Variants in NUBPL observed in about 807,000 individuals in gnomAD.
NUBPL encodes NUBP iron-sulfur cluster assembly factor, mitochondrial, also known as iron-sulfur cluster transfer protein NUBPL.
In NUBPL, 31 loss-of-function variants were observed where a neutral mutation model predicts 45.7. That is an observed-to-expected ratio of 0.68 (90% CI 0.51 to 0.92). The LOEUF (loss-of-function observed/expected upper bound fraction) is 0.92, where lower values mean the gene tolerates loss of function less well. Among genes scored for constraint, NUBPL ranks in the 40% least tolerant of loss-of-function variants. NUBPL has a pLI of 0.00. For synonymous variants in NUBPL, 144 were observed against 140.9 expected, an observed-to-expected ratio of 1.02 and a Z score of -0.15; for missense variants, 401 against 398.7, an observed-to-expected ratio of 1.01 and a Z score of -0.05.
chr14:31,825,620 C>T (rs559995961), intron 7 of NUBPL, among the ~76,000 whole-genome samples: 156 of 139,000 alleles, frequency 1.1e-3, no homozygotes, highest in African/African-American at 3.4e-3. Context: ...CTCTTCTTCT[C>T]CTCCTCCTCC....
In NUBPL at chr14:31,857,894, C is replaced by T. The variant is rs543095709; in HGVS notation, c.898-1224C>T. ...CCCTCCAAACTGTTCCAACTGCTGCCTGTTACCCAGTTCCAAAGTCACTTC... is the reference window on the plus strand; with the variant it reads ...CCCTCCAAACTGTTCCAACTGCTGCTTGTTACCCAGTTCCAAAGTCACTTC... On this transcript the variant is annotated intron_variant, in intron 10 of 10. Coordinates refer to ENST00000281081, the MANE Select transcript of NUBPL (RefSeq NM_025152.3). Among the ~76,000 whole-genome samples the T allele has an allele frequency of 5.3e-5, 8 of 152,328 alleles. No individual in the cohort carries two copies. In the East Asian group the frequency reaches 1.5e-3, roughly 29 times the overall value.
rs572088872 is a variant in NUBPL, at chr14:31,660,329, A to T, written c.383-13026A>T. Among the ~76,000 whole-genome samples, 18 of 152,214 alleles carry T rather than the reference A, an allele frequency of 1.2e-4. No homozygotes were observed. In the East Asian group the frequency reaches 2.1e-3, roughly 18 times the overall value. On this transcript the variant is annotated intron_variant, in intron 4 of 10. Coordinates refer to ENST00000281081, the MANE Select transcript of NUBPL (RefSeq NM_025152.3). ...TTTTCTGGTGGAACCACTTTGTCTC[A>T]CACAGCCACCTAAAGTTCTTCTGAG...
intron 6 of NUBPL, among the ~76,000 whole-genome samples, chr14:31,689,362 T>C (rs1273957213): frequency 6.6e-6 from 1 of 152,212 alleles, no homozygotes; most frequent in Non-Finnish European, 1.5e-5. Context: ...TAATAGCCAT[T>C]CTGACTGGTG....
At chr14:31,638,399 G>T (rs1300297793) in intron 4 of NUBPL, among the ~76,000 whole-genome samples, 2 of 151,678 alleles carry the variant, frequency 1.3e-5, no homozygotes, top group South Asian at 2.1e-4. Context: ...TTTTCTTTAA[G>T]AATGTTGAAT....
At chr14:31,728,715 A>G (rs1326028328) in intron 6 of NUBPL, among the ~76,000 whole-genome samples, 1 of 152,202 alleles carries the variant, frequency 6.6e-6, no homozygotes, top group Admixed American at 6.5e-5. Flanking sequence ...TGATACTTTT[A>G]CAAGTGACTA....
chr14:31,640,713 T>C (rs931446775), intron 4 of NUBPL, among the ~76,000 whole-genome samples: 4 of 152,316 alleles, frequency 2.6e-5, no homozygotes, highest in Middle Eastern at 3.4e-3. Context: ...TTATTAATTA[T>C]TTTGTTGATA....
intron 8 of NUBPL, among the ~76,000 whole-genome samples, chr14:31,827,271 A>G (rs541251759): frequency 7.7e-4 from 117 of 151,842 alleles, no homozygotes; most frequent in African/African-American, 2.7e-3. Context: ...AATACATGCT[A>G]GGGGTGTACC....
At chr14:31,743,129 C>T (rs535994576) in intron 6 of NUBPL, among the ~76,000 whole-genome samples, 1 of 152,194 alleles carries the variant, frequency 6.6e-6, no homozygotes, top group East Asian at 1.9e-4. Flanking sequence ...ATTATTTTAC[C>T]TGAGCCTAAC....
At chr14:31,574,693 T>C (rs1389339859) in intron 3 of NUBPL, among the ~76,000 whole-genome samples, 4 of 147,938 alleles carry the variant, frequency 2.7e-5, no homozygotes, top group Admixed American at 7.0e-5. Context: ...CGGGTTCAAG[T>C]GATCTTCTGC....
chr14:31,815,901 G>T (rs921451170), intron 7 of NUBPL, among the ~76,000 whole-genome samples: 4 of 152,150 alleles, frequency 2.6e-5, no homozygotes, highest in Non-Finnish European at 4.4e-5. Context: ...GATAATGGTG[G>T]ATAAGCTTTT....
At chr14:31,590,814 G>A (rs1022739834) in intron 3 of NUBPL, among the ~76,000 whole-genome samples, 1 of 152,078 alleles carries the variant, frequency 6.6e-6, no homozygotes, top group African/African-American at 2.4e-5. Flanking sequence ...GGTGGTAGAA[G>A]GCGTTCTAAT....
chr14:31,733,917 A>G (rs987685375), intron 6 of NUBPL, among the ~76,000 whole-genome samples: 1 of 152,200 alleles, frequency 6.6e-6, no homozygotes, highest in Non-Finnish European at 1.5e-5. Context: ...TTTCATCGAC[A>G]TCATCCATCA....
intron 6 of NUBPL, among the ~76,000 whole-genome samples, chr14:31,709,044 G>T (rs1274276851): frequency 6.6e-6 from 1 of 152,134 alleles, no homozygotes; most frequent in Non-Finnish European, 1.5e-5. Context: ...GTCTTTCTCT[G>T]ATCTTGCTTT....
intron 6 of NUBPL, among the ~76,000 whole-genome samples, chr14:31,766,534 A>T (rs2038915643): frequency 6.6e-6 from 1 of 152,194 alleles, no homozygotes; most frequent in African/African-American, 2.4e-5. Flanking sequence ...CACCTGTCTT[A>T]TCTAAATGCT....
chr14:31,586,333 AAATT>A (rs1202937745), intron 3 of NUBPL, among the ~76,000 whole-genome samples: 1 of 152,194 alleles, frequency 6.6e-6, no homozygotes, highest in Admixed American at 6.5e-5. Flanking sequence ...GAACAGAGAG[AAATT>A]AATTCCAGTC....
At chr14:31,602,622 T>G (rs1392870375) in intron 4 of NUBPL, among the ~76,000 whole-genome samples, 1 of 152,142 alleles carries the variant, frequency 6.6e-6, no homozygotes, top group African/African-American at 2.4e-5. Flanking sequence ...TGTTTTAATC[T>G]TTTTGTGCCT....
chr14:31,701,937 G>A (rs188794732), intron 6 of NUBPL, among the ~76,000 whole-genome samples: 1 of 152,276 alleles, frequency 6.6e-6, no homozygotes, highest in Admixed American at 6.5e-5. Flanking sequence ...TTTGCAATAT[G>A]TGAATAGTTT....
At chr14:31,793,099 T>A (rs2039412088) in intron 7 of NUBPL, among the ~76,000 whole-genome samples, 1 of 152,186 alleles carries the variant, frequency 6.6e-6, no homozygotes, top group African/African-American at 2.4e-5. Context: ...TCCCTTTTCT[T>A]ATGTCCCATA....
In NUBPL at chr14:31,838,298, AAG is replaced by A. The variant is rs1295510474; in HGVS notation, c.694-8165_694-8164del. On this transcript the variant is annotated intron_variant, in intron 8 of 10. Coordinates refer to ENST00000281081, the MANE Select transcript of NUBPL (RefSeq NM_025152.3). Reference sequence around the variant, plus strand: ...ATCCAGCAAAAAAAAAAAAAAAAAAAAGAGAGAGACATGTACAAAAACATTCA... The same window carrying A: ...ATCCAGCAAAAAAAAAAAAAAAAAAAAGAGAGACATGTACAAAAACATTCA... 7.0e-3 allele frequency among the ~76,000 whole-genome samples: 507 copies of A among 72,866 alleles called. 10 individuals carry two copies. Among genetic ancestry groups the A allele is most frequent in the Middle Eastern group, 0.041 (6 of 148 alleles). The allele number at this position is 72,866 out of a possible 152,430, so 47.8% of individuals were successfully genotyped here. A position where few individuals can be genotyped will look rare whatever the true frequency, so the allele number is the denominator to read the frequency against.
Sources: allele counts gnomAD v4.1 joint callset (sites outside exome capture counted in the v4.1 genomes callset), GRCh38; gene constraint gnomAD v4.1.1; transcripts MANE v1.5; gene names NCBI Gene and HGNC (gene_info 2026-07-23, HGNC 2026-07-21).